The following PAN3 variants were observed in gnomAD, a reference collection of about 807,000 sequenced individuals.
PAN3 encodes poly(A) specific ribonuclease subunit PAN3.
A neutral mutation model predicts 96.2 loss-of-function variants in PAN3; 19 were observed. The ratio of observed to expected loss-of-function variants is 0.20; its 90% CI spans 0.14 to 0.29. The LOEUF (loss-of-function observed/expected upper bound fraction) is 0.29, where lower values mean the gene tolerates loss of function less well. Among genes scored for constraint, PAN3 ranks in the 10% least tolerant of loss-of-function variants. The probability of loss-of-function intolerance (pLI) is 1.00; values close to 1 mark genes in which losing one functional copy is unlikely to be tolerated. For missense variants in PAN3, 882 were observed against 1,108.1 expected, an observed-to-expected ratio of 0.80 and a Z score of 2.90; for synonymous variants, 433 against 406.6, an observed-to-expected ratio of 1.06 and a Z score of -0.78.
intron 5 of PAN3, among the ~76,000 whole-genome samples, chr13:28,202,681 T>C (rs1419452275): frequency 2.0e-5 from 3 of 150,426 alleles, no homozygotes; most frequent in Admixed American, 1.3e-4. Context: ...ACACACACAA[T>C]TTGTTTAACT....
intron 14 of PAN3, among the ~76,000 whole-genome samples, chr13:28,273,537 G>A (rs1886806456): frequency 1.3e-5 from 2 of 151,912 alleles, no homozygotes; most frequent in Non-Finnish European, 2.9e-5. Context: ...GGAGGCGGAG[G>A]TTGCAGTGAG....
intron 6 of PAN3, among the ~76,000 whole-genome samples, chr13:28,240,531 C>T (rs1053989639): frequency 6.6e-6 from 1 of 152,046 alleles, no homozygotes; most frequent in Non-Finnish European, 1.5e-5. Context: ...GATAGTATTA[C>T]CTAGCCAGTA....
At chr13:28,256,867 A>G (rs1035457261) in intron 7 of PAN3, among the ~76,000 whole-genome samples, 1 of 152,158 alleles carries the variant, frequency 6.6e-6, no homozygotes, top group African/African-American at 2.4e-5. Flanking sequence ...GTTTATAGGT[A>G]TAGATAGTTT....
intron 15 of PAN3, 127 bp from the exon 16 acceptor site, chr13:28,280,285 A>G (rs1348329662): frequency 7.1e-6 from 8 of 1,126,128 alleles, no homozygotes; most frequent in Admixed American, 2.7e-5. Flanking sequence ...CTTGACTTGC[A>G]TGAATTAAAA....
At chr13:28,173,725 G>T (rs756446031) in intron 1 of PAN3, among the ~76,000 whole-genome samples, 3 of 152,158 alleles carry the variant, frequency 2.0e-5, no homozygotes, top group South Asian at 2.1e-4. Context: ...CCCGTTGATT[G>T]CCCTAATAGT....
intron 6 of PAN3, among the ~76,000 whole-genome samples, chr13:28,237,160 G>C (rs1410206880): frequency 6.7e-6 from 1 of 150,036 alleles, no homozygotes; most frequent in African/African-American, 2.5e-5. Flanking sequence ...CTGGAACATG[G>C]AAAAATTAAT....
At chr13:28,278,829 A>ATTTACGGATG (rs1887248946) in intron 15 of PAN3, among the ~76,000 whole-genome samples, 1 of 152,030 alleles carries the variant, frequency 6.6e-6, no homozygotes, top group South Asian at 2.1e-4. Context: ...GGGTACACAT[A>ATTTACGGATG]TGTCCATACT....
rs114362248 is a variant in PAN3 at position 28,163,717 on chromosome 13, A to G, written c.431-10555A>G. ...GTAAAGTGTGGGAGATTTTAAGCAT[A>G]TAATGAGTATATCATTGTAACTGGA... On this transcript the variant is annotated intron_variant, in intron 1 of 18. Transcript: ENST00000380958. Among the ~76,000 whole-genome samples the G allele has an allele frequency of 6.9e-3, 1,045 of 152,348 alleles. 11 individuals carry two copies. Among genetic ancestry groups the G allele is most frequent in the African/African-American group, 0.024 (1,010 of 41,582 alleles).
At chr13:28,144,154 A>G (rs1382789124) in intron 1 of PAN3, among the ~76,000 whole-genome samples, 1 of 151,348 alleles carries the variant, frequency 6.6e-6, no homozygotes, top group East Asian at 1.9e-4. Flanking sequence ...TGGAGTTTAC[A>G]TTCTAGTGGG....
intron 6 of PAN3, among the ~76,000 whole-genome samples, chr13:28,233,221 G>C (rs887734192): frequency 6.6e-6 from 1 of 150,536 alleles, no homozygotes; most frequent in Non-Finnish European, 1.5e-5. Context: ...AGGGATTTTT[G>C]TGATTTGCTT....
chr13:28,190,027 T>C (rs1378249863), intron 4 of PAN3, among the ~76,000 whole-genome samples: 5 of 152,178 alleles, frequency 3.3e-5, no homozygotes, highest in South Asian at 4.1e-4. Flanking sequence ...CACTGCAAAC[T>C]CTGCCCCCCG....
intron 4 of PAN3, among the ~76,000 whole-genome samples, chr13:28,182,297 G>T (rs1875889731): frequency 6.6e-6 from 1 of 152,128 alleles, no homozygotes; most frequent in Non-Finnish European, 1.5e-5. Context: ...GTGTCAGCTT[G>T]GCTTTCTCCT....
chr13:28,144,785 A>G (rs988764895), intron 1 of PAN3, among the ~76,000 whole-genome samples: 1 of 125,922 alleles, frequency 7.9e-6, no homozygotes, highest in Non-Finnish European at 1.6e-5. Context: ...CACTGGCGCC[A>G]TCTTGGCTCA....
Position 28,293,272 on chromosome 13 carries a change from G to A in PAN3, c.*750G>A, listed in dbSNP as rs940396590. 2 of 151,650 alleles carry A rather than the reference G, an allele frequency of 1.3e-5. No individual in the cohort carries two copies. Among genetic ancestry groups the A allele is most frequent in the Non-Finnish European group, 2.9e-5 (2 of 67,992 alleles). 9.4% of individuals were successfully genotyped at this position (151,650 alleles called of 1,614,324 possible). On this transcript the variant is annotated 3_prime_UTR_variant, in exon 19 of 19. Transcript: ENST00000380958. Reference sequence around the variant, plus strand: ...AGCCTTTTTAAAAAGACATTTGCCTGCTAGTCAGATACATTTACATTTATG... The same window carrying A: ...AGCCTTTTTAAAAAGACATTTGCCTACTAGTCAGATACATTTACATTTATG...
intron 9 of PAN3, among the ~76,000 whole-genome samples, chr13:28,264,905 G>A (rs912319590): frequency 2.2e-4 from 33 of 152,248 alleles, no homozygotes; most frequent in Admixed American, 7.9e-4. Flanking sequence ...GTGCCATAGC[G>A]AATTGTACTT....
chr13:28,266,993 C>T, intron 10 of PAN3, 102 bp from the exon 11 acceptor site: 5 of 1,281,788 alleles, frequency 3.9e-6, no homozygotes, highest in Non-Finnish European at 5.3e-6. Context: ...GAAATTAGTA[C>T]CTCATGAGCA....
rs553423437 is a variant in PAN3 at position 28,281,025 on chromosome 13, A to G, written c.2320-290A>G. Among the ~76,000 whole-genome samples, 8 of 152,352 alleles carry G rather than the reference A, an allele frequency of 5.3e-5. No individual in the cohort carries two copies. The South Asian group carries it at 1.4e-3, about 28-fold the overall frequency. On this transcript the variant is annotated intron_variant, in intron 16 of 18. Coordinates refer to ENST00000380958, the MANE Select transcript of PAN3 (RefSeq NM_175854.8). ...TTTAATTTCTTATGTCCTCTGGACA[A>G]CACTGTTCTTTTCATTCATGGCTTT...
chr13:28,184,796 T>C (rs1026010567), intron 4 of PAN3, among the ~76,000 whole-genome samples: 2 of 152,164 alleles, frequency 1.3e-5, no homozygotes, highest in African/African-American at 2.4e-5. Context: ...ATTAGTGTTA[T>C]TTTATGTCCT....
intron 2 of PAN3, among the ~76,000 whole-genome samples, chr13:28,176,251 C>G (rs1234037199): frequency 6.6e-6 from 1 of 152,120 alleles, no homozygotes; most frequent in Non-Finnish European, 1.5e-5. Context: ...TATGGAAGCA[C>G]AATTCAAAAT....
Sources: gnomAD v4.1 joint callset for allele counts (sites outside exome capture counted in the v4.1 genomes callset) on GRCh38, gnomAD v4.1.1 for gene constraint, MANE v1.5 for transcripts, NCBI Gene and HGNC (gene_info 2026-07-23, HGNC 2026-07-21) for gene names.